KCNIP4: variants seen among roughly 807,000 people sequenced by gnomAD.
KCNIP4 encodes potassium voltage-gated channel interacting protein 4, also known as Kv channel-interacting protein 4.
KCNIP4 carries 12 observed loss-of-function variants against 34.0 expected under a neutral mutation model. The observed-to-expected ratio is 0.35, with a 90% CI of 0.23 to 0.57. KCNIP4 has a LOEUF of 0.57. KCNIP4 is among the 20% of genes least tolerant of loss of function. The pLI is 0.83. For missense variants in KCNIP4, 238 were observed against 311.7 expected (o/e 0.76, Z 1.78); for synonymous variants, 124 against 102.2 (o/e 1.21, Z -1.29).
intron 1 of KCNIP4, among the ~76,000 whole-genome samples, chr4:21,297,583 A>G (rs1313958819): frequency 6.6e-6 from 1 of 152,042 alleles, no homozygotes; most frequent in African/African-American, 2.4e-5. Flanking sequence ...ATAACCAATC[A>G]TTTTTAGTTC....
chr4:21,666,754 AG>A (rs1379391579), intron 1 of KCNIP4, among the ~76,000 whole-genome samples: 5 of 152,188 alleles, frequency 3.3e-5, no homozygotes, highest in African/African-American at 1.2e-4. Flanking sequence ...TTATATGAAA[AG>A]CAAGAATAGA....
chr4:21,553,479 C>A (rs1738743881), intron 1 of KCNIP4, among the ~76,000 whole-genome samples: 1 of 152,086 alleles, frequency 6.6e-6, no homozygotes, highest in Non-Finnish European at 1.5e-5. Context: ...AGCATGGAGA[C>A]TGAGATGGGC....
intron 1 of KCNIP4, among the ~76,000 whole-genome samples, chr4:21,047,732 T>C (rs1742561772): frequency 6.6e-6 from 1 of 152,236 alleles, no homozygotes; most frequent in Admixed American, 6.5e-5. Context: ...TGTCACATGT[T>C]AGTCTAAAGC....
intron 1 of KCNIP4, among the ~76,000 whole-genome samples, chr4:21,773,524 T>A (rs1324678816): frequency 6.6e-6 from 1 of 152,190 alleles, no homozygotes; most frequent in Non-Finnish European, 1.5e-5. Context: ...GGTATTAAAG[T>A]CTCCCACTAT....
chr4:21,299,781 G>A (rs542410507), intron 1 of KCNIP4, among the ~76,000 whole-genome samples: 46 of 152,284 alleles, frequency 3.0e-4, no homozygotes, highest in African/African-American at 1.0e-3. Context: ...CTTACTGACA[G>A]ATCCAGCACT....
intron 1 of KCNIP4, among the ~76,000 whole-genome samples, chr4:20,980,361 C>T (rs563982565): frequency 5.4e-4 from 83 of 152,310 alleles, no homozygotes; most frequent in Admixed American, 1.8e-3. Context: ...TTTCTCCTTC[C>T]GCTTACTAAT....
At chr4:20,947,225 G>A (rs1286760533) in intron 1 of KCNIP4, among the ~76,000 whole-genome samples, 2 of 152,162 alleles carry the variant, frequency 1.3e-5, no homozygotes, top group Non-Finnish European at 2.9e-5. Flanking sequence ...GTGGAGTGCA[G>A]TGGTGCCATC....
chr4:21,185,424 G>A (rs1755141883), intron 1 of KCNIP4, among the ~76,000 whole-genome samples: 1 of 148,828 alleles, frequency 6.7e-6, no homozygotes, highest in African/African-American at 2.5e-5. Context: ...CTTCCTCTCT[G>A]TCCTCTTCCT....
At chr4:21,049,782 T>A (rs1326040678) in intron 1 of KCNIP4, among the ~76,000 whole-genome samples, 7 of 152,218 alleles carry the variant, frequency 4.6e-5, no homozygotes, top group Non-Finnish European at 8.8e-5. Flanking sequence ...ACTCTTTACC[T>A]TCCACTCCAG....
At chr4:21,316,216 T>A (rs1365567176) in intron 1 of KCNIP4, 1 of 152,232 alleles carries the variant, frequency 6.6e-6, no homozygotes, top group Non-Finnish European at 1.5e-5. Flanking sequence ...TGACATACTA[T>A]GTCCTGTACA....
Position 21,081,574 on chromosome 4 carries a change from C to A in KCNIP4, c.62-198865G>T, listed in dbSNP as rs145234919. On this transcript the variant is annotated intron_variant, in intron 1 of 8. Transcript: ENST00000382152. Reference sequence around the variant, plus strand: ...TATTAAGAAGGTAAGAAAAGTAATTCTTCTAAACTATGCAATCATTTATTT... The same window carrying A: ...TATTAAGAAGGTAAGAAAAGTAATTATTCTAAACTATGCAATCATTTATTT... 5.9e-5 allele frequency among the ~76,000 whole-genome samples: 9 copies of A among 151,840 alleles called. No individual in the cohort carries two copies. The East Asian group carries it at 1.7e-3, about 29-fold the overall frequency.
At chr4:21,067,037 T>C (rs1003616214) in intron 1 of KCNIP4, among the ~76,000 whole-genome samples, 5 of 152,136 alleles carry the variant, frequency 3.3e-5, no homozygotes, top group Non-Finnish European at 7.3e-5. Context: ...AAAAGAACTG[T>C]GTCTTGCAAC....
chr4:21,580,060 C>T (rs1306156120), intron 1 of KCNIP4, among the ~76,000 whole-genome samples: 3 of 152,008 alleles, frequency 2.0e-5, no homozygotes, highest in Non-Finnish European at 4.4e-5. Flanking sequence ...AACATATTTA[C>T]TTGTGTAGTT....
At chr4:20,912,190 T>C (rs1486060790) in intron 1 of KCNIP4, among the ~76,000 whole-genome samples, 1 of 152,170 alleles carries the variant, frequency 6.6e-6, no homozygotes, top group Non-Finnish European at 1.5e-5. Context: ...TTAAGTTCTA[T>C]TAACAGATAT....
chr4:20,871,782 G>T, intron 2 of KCNIP4, among the ~76,000 whole-genome samples: 1 of 152,116 alleles, frequency 6.6e-6, no homozygotes, highest in East Asian at 1.9e-4. Context: ...TAGTCCAGGG[G>T]CAGCTTGCAT....
chr4:20,871,140 G>C lies in KCNIP4; in HGVS notation c.163+11468C>G, dbSNP rs1048167262. Among the ~76,000 whole-genome samples, 7 of 152,026 alleles carry C rather than the reference G, an allele frequency of 4.6e-5. No individual in the cohort carries two copies. In the South Asian group the frequency reaches 1.5e-3, roughly 32 times the overall value. ...TTTATTCATTTATTCATTAAATATTGATTGAGTGCCTATTATGACCCAGGC... is the reference window on the plus strand; with the variant it reads ...TTTATTCATTTATTCATTAAATATTCATTGAGTGCCTATTATGACCCAGGC... On this transcript the variant is annotated intron_variant, in intron 2 of 8. Transcript: ENST00000382152.
At chr4:21,435,346 G>A (rs1167382262) in intron 1 of KCNIP4, among the ~76,000 whole-genome samples, 1 of 152,124 alleles carries the variant, frequency 6.6e-6, no homozygotes, top group East Asian at 1.9e-4. Context: ...TCTAGTCAGT[G>A]GGACTAAGGA....
At chr4:20,878,310 G>T (rs116722923) in intron 2 of KCNIP4, among the ~76,000 whole-genome samples, 2,036 of 152,118 alleles carry the variant, frequency 0.013, 37 homozygotes, top group African/African-American at 0.037. Flanking sequence ...TCTGATAATC[G>T]TAATCTTTTT....
At chr4:21,438,344 C>A (rs900498432) in intron 1 of KCNIP4, among the ~76,000 whole-genome samples, 6 of 152,092 alleles carry the variant, frequency 3.9e-5, no homozygotes, top group African/African-American at 1.4e-4. Flanking sequence ...CTGAGCTATG[C>A]AATATGTTGT....
Sources: allele counts gnomAD v4.1 joint callset (sites outside exome capture counted in the v4.1 genomes callset), GRCh38; gene constraint gnomAD v4.1.1; transcripts MANE v1.5; gene names NCBI Gene and HGNC (gene_info 2026-07-23, HGNC 2026-07-21).